Variants in ADAMTS6 observed in about 807,000 individuals in gnomAD.
The protein encoded by ADAMTS6 is A disintegrin and metalloproteinase with thrombospondin motifs 6.
A neutral mutation model predicts 144.3 loss-of-function variants in ADAMTS6; 23 were observed. The observed-to-expected ratio is 0.16, with a 90% CI of 0.11 to 0.23. ADAMTS6 has a LOEUF of 0.23. Ranked by LOEUF, ADAMTS6 falls within the 10% of genes least tolerant of loss-of-function variation. The pLI is 1.00. For missense variants in ADAMTS6, 999 were observed against 1,379.6 expected (o/e 0.72, Z 4.37); for synonymous variants, 444 against 457.5 (o/e 0.97, Z 0.38).
chr5:65,345,888 A>G (rs1160975605), intron 7 of ADAMTS6, among the ~76,000 whole-genome samples: 1 of 151,906 alleles, frequency 6.6e-6, no homozygotes, highest in Non-Finnish European at 1.5e-5. Flanking sequence ...TATCTTATAC[A>G]GTACATAGCT....
chr5:65,345,306 A>G (rs571195059), intron 7 of ADAMTS6, among the ~76,000 whole-genome samples: 1 of 151,876 alleles, frequency 6.6e-6, no homozygotes, highest in South Asian at 2.1e-4. Context: ...ACCACAAAAG[A>G]TAAGAAAAAA....
At chr5:65,381,411 G>A (rs1005859205) in intron 7 of ADAMTS6, among the ~76,000 whole-genome samples, 15 of 150,434 alleles carry the variant, frequency 1.0e-4, no homozygotes, top group African/African-American at 3.7e-4. Context: ...CGCCCAGGCT[G>A]GAGTGCAAGG....
At chr5:65,199,276 A>G (rs1182712536) in intron 20 of ADAMTS6, among the ~76,000 whole-genome samples, 1 of 152,214 alleles carries the variant, frequency 6.6e-6, no homozygotes, top group Non-Finnish European at 1.5e-5. Flanking sequence ...TGGCAGAAAC[A>G]TTAATTCAGT....
chr5:65,342,227 T>G (rs1217281943), intron 7 of ADAMTS6, among the ~76,000 whole-genome samples: 1 of 152,004 alleles, frequency 6.6e-6, no homozygotes, highest in Admixed American at 6.6e-5. Context: ...TACCCTAGAC[T>G]GGGCAATTTA....
intron 9 of ADAMTS6, among the ~76,000 whole-genome samples, chr5:65,303,532 T>C (rs1219446719): frequency 6.6e-6 from 1 of 151,992 alleles, no homozygotes; most frequent in Non-Finnish European, 1.5e-5. Context: ...GTAACGAACA[T>C]TAAATCCAGA....
At chr5:65,437,220 G>A (rs529151401) in intron 7 of ADAMTS6, among the ~76,000 whole-genome samples, 41 of 151,412 alleles carry the variant, frequency 2.7e-4, no homozygotes, top group African/African-American at 6.3e-4. Flanking sequence ...TCAGCCTCCC[G>A]AGTAGCTGGG....
At chr5:65,455,114 T>C (rs1759079870) in intron 4 of ADAMTS6, among the ~76,000 whole-genome samples, 1 of 152,234 alleles carries the variant, frequency 6.6e-6, no homozygotes, top group Admixed American at 6.5e-5. Flanking sequence ...AATGTCCAAA[T>C]ATAGGATTTT....
intron 15 of ADAMTS6, among the ~76,000 whole-genome samples, chr5:65,227,195 A>G (rs1352081769): frequency 5.3e-5 from 8 of 152,186 alleles, no homozygotes; most frequent in Non-Finnish European, 1.0e-4. Flanking sequence ...ATATTTGAAT[A>G]ATTAAAACAC....
chr5:65,360,430 G>T (rs1170285300), intron 7 of ADAMTS6, among the ~76,000 whole-genome samples: 1 of 152,138 alleles, frequency 6.6e-6, no homozygotes, highest in Non-Finnish European at 1.5e-5. Flanking sequence ...ATCAGTATGT[G>T]AGGTAAAGCA....
At chr5:65,337,915 C>A (rs1747458951) in intron 7 of ADAMTS6, among the ~76,000 whole-genome samples, 1 of 152,010 alleles carries the variant, frequency 6.6e-6, no homozygotes, top group Non-Finnish European at 1.5e-5. Flanking sequence ...TGCAGCAGTA[C>A]AAATTGAAGA....
intron 20 of ADAMTS6, among the ~76,000 whole-genome samples, chr5:65,208,320 A>G (rs1756259918): frequency 6.6e-6 from 1 of 152,226 alleles, no homozygotes; most frequent in Non-Finnish European, 1.5e-5. Flanking sequence ...CCACACCCCC[A>G]GCCAATTAAA....
chr5:65,438,570 A>G (rs752645361), intron 7 of ADAMTS6, among the ~76,000 whole-genome samples: 1 of 152,088 alleles, frequency 6.6e-6, no homozygotes, highest in Non-Finnish European at 1.5e-5. Context: ...AGATTCCTAC[A>G]TCGTACCTAT....
In ADAMTS6 at chr5:65,260,582, G is replaced by C. The variant is rs1223747749; in HGVS notation, c.1830+18C>G. On this transcript the variant is annotated intron_variant, in intron 14 of 24. Coordinates refer to ENST00000381055, the MANE Select transcript of ADAMTS6 (RefSeq NM_197941.4). ...AAGAGTAAGCTAATTTTTCATAACA[G>C]AGTTTGGTTTTACTTACATCTGTGT... 3.7e-6 allele frequency: 6 copies of C among 1,609,120 alleles called. No homozygotes were observed. Among genetic ancestry groups the C allele is most frequent in the East Asian group, 2.2e-5 (1 of 44,710 alleles).
At chr5:65,328,352 C>A (rs1174781393) in intron 9 of ADAMTS6, among the ~76,000 whole-genome samples, 1 of 151,894 alleles carries the variant, frequency 6.6e-6, no homozygotes, top group African/African-American at 2.4e-5. Flanking sequence ...TATGACGCCA[C>A]CAAAAAAAGC....
At chr5:65,239,034 G>C (rs181649893) in intron 15 of ADAMTS6, among the ~76,000 whole-genome samples, 1 of 151,972 alleles carries the variant, frequency 6.6e-6, no homozygotes, top group Admixed American at 6.6e-5. Context: ...CTGTGTTCCC[G>C]CATATTCTCA....
intron 18 of ADAMTS6, among the ~76,000 whole-genome samples, chr5:65,216,054 A>G (rs1310692678): frequency 6.6e-6 from 1 of 152,210 alleles, no homozygotes; most frequent in Non-Finnish European, 1.5e-5. Context: ...CTTTCTTTAT[A>G]TAAGAATAAA....
rs927836525 is a variant in ADAMTS6, at chr5:65,199,413, C to A, written c.2576-2262G>T. ...AGTAGCCTTTATTGCAAAAGCAGGG[C>A]CTCTGCAATTTGAATCATAGATGAG... On this transcript the variant is annotated intron_variant, in intron 20 of 24. Transcript: ENST00000381055. Among the ~76,000 whole-genome samples, 4 of 152,076 alleles carry A rather than the reference C, an allele frequency of 2.6e-5. No homozygotes were observed. The East Asian group carries it at 5.8e-4, about 22-fold the overall frequency.
intron 14 of ADAMTS6, among the ~76,000 whole-genome samples, chr5:65,256,136 A>G (rs567970329): frequency 3.3e-5 from 5 of 152,316 alleles, no homozygotes; most frequent in African/African-American, 9.6e-5. Context: ...ACCGTCCTAT[A>G]TGGTTGCCAC....
In ADAMTS6 at chr5:65,316,890, C is replaced by T. The variant is rs1484968900; in HGVS notation, c.1223+12488G>A. Among the ~76,000 whole-genome samples the T allele has an allele frequency of 4.6e-5, 7 of 152,206 alleles. No individual in the cohort carries two copies. In the South Asian group the frequency reaches 1.0e-3, roughly 23 times the overall value. ...AATCTTGGCTCACTGCAACCTCTGC[C>T]TCCTGGGTTCAAGCCATTCTCCTGT... On this transcript the variant is annotated intron_variant, in intron 9 of 24. Coordinates refer to ENST00000381055, the MANE Select transcript of ADAMTS6 (RefSeq NM_197941.4).
Sources: gnomAD v4.1 joint callset for allele counts (sites outside exome capture counted in the v4.1 genomes callset) on GRCh38, gnomAD v4.1.1 for gene constraint, MANE v1.5 for transcripts, NCBI Gene and HGNC (gene_info 2026-07-23, HGNC 2026-07-21) for gene names.